FADS6: variants seen among roughly 807,000 people sequenced by gnomAD.
FADS6 encodes the protein fatty acid desaturase domain family, member 6.
FADS6 carries 28 observed loss-of-function variants against 31.7 expected under a neutral mutation model. The ratio of observed to expected loss-of-function variants is 0.88; its 90% CI spans 0.66 to 1.21. The LOEUF (loss-of-function observed/expected upper bound fraction) is 1.21. FADS6 is among the 50% of genes most tolerant of loss of function. The pLI is 0.00. For synonymous variants in FADS6, 191 were observed against 213.1 expected (o/e 0.90, Z 0.90); for missense variants, 494 against 504.2 (o/e 0.98, Z 0.19).
chr17:74,888,430 C>A (rs112280222), intron 2 of FADS6, among the ~76,000 whole-genome samples: 1 of 152,100 alleles, frequency 6.6e-6, no homozygotes, highest in Non-Finnish European at 1.5e-5. Context: ...CAACAGCTCT[C>A]GAGGTTTGCG....
In FADS6 at chr17:74,879,410, G is replaced by T. The variant is rs2038542547; in HGVS notation, c.954C>A (p.Cys318Ter). 6.2e-7 allele frequency: 1 copy of T among 1,613,462 alleles called. No individual in the cohort carries two copies. Among genetic ancestry groups the T allele is most frequent in the Non-Finnish European group, 8.5e-7 (1 of 1,179,714 alleles). Reference sequence around the variant, plus strand: ...CAGCCCAGCCCTCGACTACCTTCAGGCACATGTTATCAGAGAGCCTGGGGA... The same window carrying T: ...CAGCCCAGCCCTCGACTACCTTCAGTCACATGTTATCAGAGAGCCTGGGGA... ...HLFPRLSDNM[C>*]LKVKPVVSQF... The change falls in exon 5 of 6, where the codon TGC (cysteine) becomes TGA (stop). Residue 318 changes from cysteine to a stop codon, truncating the protein, a stop_gained. Transcript: ENST00000612771. LOFTEE classifies it high-confidence loss of function.
intron 2 of FADS6, 144 bp from the exon 3 acceptor site, chr17:74,882,854 C>T (rs776036274): frequency 1.7e-5 from 25 of 1,511,958 alleles, no homozygotes; most frequent in Admixed American, 4.0e-5. Context: ...CCAGCTAATC[C>T]GCTTTGACCA....
chr17:74,888,150 A>ACGCG (rs1427018515), intron 2 of FADS6, among the ~76,000 whole-genome samples: 14 of 123,654 alleles, frequency 1.1e-4, no homozygotes, highest in African/African-American at 5.0e-4. Context: ...ACACACACAC[A>ACGCG]CACACGCGCG....
At chr17:74,884,628 G>T (rs1363817760) in intron 2 of FADS6, among the ~76,000 whole-genome samples, 4 of 152,186 alleles carry the variant, frequency 2.6e-5, no homozygotes, top group Non-Finnish European at 5.9e-5. Context: ...CACAGGGAAG[G>T]GGAAGAGGGA....
chr17:74,879,961 A>C (rs2038550344), intron 4 of FADS6, among the ~76,000 whole-genome samples: 1 of 152,180 alleles, frequency 6.6e-6, no homozygotes, highest in Non-Finnish European at 1.5e-5. Flanking sequence ...GGTCAAGTTT[A>C]ATAGGCAGTG....
intron 2 of FADS6, among the ~76,000 whole-genome samples, chr17:74,888,174 A>G (rs1049092437): frequency 7.0e-6 from 1 of 143,530 alleles, no homozygotes; most frequent in East Asian, 2.1e-4. Context: ...GCGCGCGCGC[A>G]GAGTACCAAT....
intron 5 of FADS6, 80 bp downstream of exon 5, chr17:74,879,324 C>T (rs562582253): frequency 1.1e-4 from 173 of 1,524,728 alleles, no homozygotes; most frequent in African/African-American, 8.5e-4. Context: ...GTGTGAGCAA[C>T]GCCCCCAGGC....
intron 1 of FADS6, 128 bp downstream of exon 1, chr17:74,893,224 T>TGCC (rs970735037): frequency 5.8e-5 from 65 of 1,112,762 alleles, no homozygotes; most frequent in Non-Finnish European, 7.4e-5. Flanking sequence ...TCCGCCTCCC[T>TGCC]GCCGCCGCCA....
chr17:74,885,170 G>T (rs2038610350), intron 2 of FADS6, among the ~76,000 whole-genome samples: 1 of 151,996 alleles, frequency 6.6e-6, no homozygotes. Context: ...GGCCACTGGG[G>T]TTACTGCCTT....
Position 74,879,401 on chromosome 17 carries a change from T to C in FADS6, c.960+3A>G. On this transcript the variant is annotated splice_donor_region_variant and intron_variant, in intron 5 of 5. Transcript: ENST00000612771. Reference sequence around the variant, plus strand: ...CAGCGCCCCCAGCCCAGCCCTCGACTACCTTCAGGCACATGTTATCAGAGA... The same window carrying C: ...CAGCGCCCCCAGCCCAGCCCTCGACCACCTTCAGGCACATGTTATCAGAGA... 2 of 1,613,152 alleles carry C rather than the reference T, an allele frequency of 1.2e-6. No homozygotes were observed. Among genetic ancestry groups the C allele is most frequent in the Non-Finnish European group, 1.7e-6 (2 of 1,179,418 alleles).
chr17:74,892,702 G>A lies in FADS6; in HGVS notation c.245-13C>T. 1.2e-6 allele frequency: 2 copies of A among 1,605,298 alleles called. No homozygotes were observed. The highest frequency in any genetic ancestry group is 2.2e-5 in the East Asian group (1 of 44,690). ...AGGCACAGGAAGCCTGCGTGGAGAGGAGGAAGAAGACGGGTCTTTCTCTAG... is the reference window on the plus strand; with the variant it reads ...AGGCACAGGAAGCCTGCGTGGAGAGAAGGAAGAAGACGGGTCTTTCTCTAG... On this transcript the variant is annotated splice_polypyrimidine_tract_variant and intron_variant, in intron 1 of 5. Coordinates refer to ENST00000612771, the MANE Select transcript of FADS6 (RefSeq NM_178128.6).
intron 2 of FADS6, among the ~76,000 whole-genome samples, chr17:74,884,320 G>C (rs1232290479): frequency 6.6e-6 from 1 of 152,170 alleles, no homozygotes; most frequent in Non-Finnish European, 1.5e-5. Flanking sequence ...AAGACTGACA[G>C]GTGTAGCAAA....
rs368149851 is a variant in FADS6 at position 74,881,128 on chromosome 17, G to T, written c.720C>A (p.Gly240=). ...ACAGGGATCTGGTGAGGAACATGCA[G>T]CCCAGGGCTGAGCTGGGGTTCTTGA... ...SGFKNPSSAL[G]CMFLTRSLLA... Residue 240 remains glycine (G), a synonymous_variant, in exon 4 of 6, where the codon GGC becomes GGA. Coordinates refer to ENST00000612771, the MANE Select transcript of FADS6 (RefSeq NM_178128.6). The T allele has an allele frequency of 1.0e-4, 161 of 1,613,614 alleles. No individual in the cohort carries two copies. The highest frequency in any genetic ancestry group is 1.3e-4 in the Non-Finnish European group (156 of 1,179,818).
chr17:74,884,210 G>C (rs982947674), intron 2 of FADS6, among the ~76,000 whole-genome samples: 3 of 152,046 alleles, frequency 2.0e-5, no homozygotes, highest in African/African-American at 7.2e-5. Context: ...TCATCCCAAA[G>C]GTGTCTAAAA....
chr17:74,893,228 G>A, intron 1 of FADS6, 124 bp downstream of exon 1: 3 of 1,137,708 alleles, frequency 2.6e-6, no homozygotes, highest in South Asian at 3.5e-5. Context: ...CCTCCCTGCC[G>A]CCGCCAGTCC....
intron 3 of FADS6, 86 bp from the exon 4 acceptor site, chr17:74,881,341 G>T: frequency 7.6e-7 from 1 of 1,308,810 alleles, no homozygotes; most frequent in Non-Finnish European, 1.0e-6. Flanking sequence ...CAGTGGCGGA[G>T]GCCAGGCGTG....
chr17:74,883,742 T>C (rs1339964111), intron 2 of FADS6, among the ~76,000 whole-genome samples: 2 of 152,164 alleles, frequency 1.3e-5, no homozygotes, highest in Non-Finnish European at 2.9e-5. Flanking sequence ...CCTCATGGGT[T>C]CTTGGTTCAT....
Position 74,881,151 on chromosome 17 carries a change from T to G in FADS6, c.697A>C (p.Lys233Gln). The change falls in exon 4 of 6, where the codon AAG becomes CAG. Residue 233 changes from lysine to glutamine, a missense_variant. By Grantham distance (53) the Lys-to-Gln change is moderately conservative (BLOSUM62 1). Around this residue, in one of 2 missense-constraint regions of FADS6, gnomAD observed 454 missense variants for 438.5 expected, o/e 1.04. Transcript: ENST00000612771. ...YWLLLNVSGFKNPSSALGCMF... is the reference protein window; with the variant it reads ...YWLLLNVSGFQNPSSALGCMF... ...CAGCCCAGGGCTGAGCTGGGGTTCT[T>G]GAAGCCTGACACGTTCAGGAGCAGC... The G allele has an allele frequency of 6.2e-7, 1 of 1,613,402 alleles. No homozygotes were observed. Among genetic ancestry groups the G allele is most frequent in the Non-Finnish European group, 8.5e-7 (1 of 1,179,688 alleles).
chr17:74,883,265 T>A (rs1555624831), intron 2 of FADS6, among the ~76,000 whole-genome samples: 2 of 151,950 alleles, frequency 1.3e-5, no homozygotes, highest in Non-Finnish European at 1.5e-5. Flanking sequence ...GCAGTATGGA[T>A]CCCCAGTGGG....
Sources: gnomAD v4.1 joint callset for allele counts (sites outside exome capture counted in the v4.1 genomes callset) on GRCh38, gnomAD v4.1.1 for gene constraint, gnomAD v4.1.1 regional missense constraint, MANE v1.5 for transcripts, NCBI Gene and HGNC (gene_info 2026-07-23, HGNC 2026-07-21) for gene names.